MYOM3: variants seen among roughly 807,000 people sequenced by gnomAD.
MYOM3 encodes myomesin 3, also known as myomesin-3.
A neutral mutation model predicts 191.7 loss-of-function variants in MYOM3; 155 were observed. The observed-to-expected ratio is 0.81, with a 90% CI of 0.71 to 0.92. The LOEUF is 0.92. Ranked by LOEUF, MYOM3 falls within the 40% of genes least tolerant of loss-of-function variation. MYOM3 has a pLI of 0.00. For synonymous variants in MYOM3, 757 were observed against 762.9 expected (o/e 0.99, Z 0.13); for missense variants, 1,889 against 1,890.6 (o/e 1.00, Z 0.02).
chr1:24,098,800 G>T (rs919228491), intron 6 of MYOM3, among the ~76,000 whole-genome samples: 2 of 152,164 alleles, frequency 1.3e-5, no homozygotes, highest in African/African-American at 2.4e-5. Context: ...AGGGTAAGAT[G>T]AGTGTTCTGC....
chr1:24,105,513 A>G lies in MYOM3; in HGVS notation c.560+407T>C, dbSNP rs576291226. Among the ~76,000 whole-genome samples, 245 of 152,272 alleles carry G rather than the reference A, an allele frequency of 1.6e-3. 1 individual carries two copies. The highest frequency in any genetic ancestry group is 2.5e-3 in the Non-Finnish European group (171 of 68,024). The stretch of plus-strand genomic sequence containing the variant: ...CCCAGCTTGCAGCACCTGCCTTCTC[A>G]TGAGACCAGAATCATATTTTTATGA... On this transcript the variant is annotated intron_variant, in intron 5 of 36. Coordinates refer to ENST00000374434, the MANE Select transcript of MYOM3 (RefSeq NM_152372.4).
rs1198689963 is a variant in MYOM3 at position 24,064,086 on chromosome 1, T to TC, written c.3607dup (p.Asp1203GlyfsTer5). The TC allele has an allele frequency of 6.2e-7, 1 of 1,613,770 alleles. No homozygotes were observed. Among genetic ancestry groups the TC allele is most frequent in the Admixed American group, 1.7e-5 (1 of 59,996 alleles). Reference sequence around the variant, plus strand: ...CCAGCTCCTACCGTCACCCGTGAGGTCCAATATGGTGTCGTCCTCCCCTCG... The same window carrying TC: ...CCAGCTCCTACCGTCACCCGTGAGGTCCCAATATGGTGTCGTCCTCCCCTCG... On this transcript the variant is annotated frameshift_variant, in exon 30 of 37. Coordinates refer to ENST00000374434, the MANE Select transcript of MYOM3 (RefSeq NM_152372.4). LOFTEE classifies it high-confidence loss of function.
In MYOM3 at chr1:24,076,212, C is replaced by T; in HGVS notation, c.2648G>A (p.Gly883Asp). The T allele has an allele frequency of 6.2e-7, 1 of 1,614,220 alleles. No homozygotes were observed. Among genetic ancestry groups the T allele is most frequent in the Middle Eastern group, 1.7e-4 (1 of 6,060 alleles). The change falls in exon 21 of 37, where the codon GGT (glycine) becomes GAT (aspartate). Residue 883 changes from glycine (G) to aspartate (D), a missense_variant. Physicochemically the swap from Gly to Asp is moderately conservative, Grantham distance 94. Transcript: ENST00000374434. ...AGTGGGCATGGACGGTTGCCCCAGA[C>T]CAGCTGAATTCATGGCCTGTACCTG... ...VFQVQAMNSA[G>D]LGQPSMPTDP...
In MYOM3 at chr1:24,093,009, T is replaced by A; in HGVS notation, c.1028A>T (p.Tyr343Phe). 6.2e-7 allele frequency: 1 copy of A among 1,612,936 alleles called. No homozygotes were observed. The highest frequency in any genetic ancestry group is 8.5e-7 in the Non-Finnish European group (1 of 1,179,760). ...SCTYKEDEGLYMVRVPSPFGP... is the reference protein window; with the variant it reads ...SCTYKEDEGLFMVRVPSPFGP... ...GAAGGGCGAGGGCACCCGGACCATG[T>A]AGAGCCCCTCGTCCTCCTTGTAGGT... Residue 343 changes from tyrosine to phenylalanine, a missense_variant, in exon 10 of 37, where the codon TAC becomes TTC. Transcript: ENST00000374434.
In MYOM3 at chr1:24,062,065, G is replaced by T. The variant is rs1350269355; in HGVS notation, c.3815C>A (p.Thr1272Asn). The T allele has an allele frequency of 1.2e-6, 2 of 1,614,160 alleles. No individual in the cohort carries two copies. The highest frequency in any genetic ancestry group is 1.7e-5 in the Admixed American group (1 of 60,020). ...ESGDRIRTGT[T>N]LDEIWLHILD... Reference sequence around the variant, plus strand: ...GATGTGAAGCCAGATCTCATCCAGGGTGGTGCCCGTCCTTATCCGATCACC... The same window carrying T: ...GATGTGAAGCCAGATCTCATCCAGGTTGGTGCCCGTCCTTATCCGATCACC... The change falls in exon 33 of 37, where the codon ACC (threonine) becomes AAC (asparagine). Residue 1272 changes from threonine to asparagine, a missense_variant. Transcript: ENST00000374434.
At chr1:24,105,416 TG>T in intron 5 of MYOM3, among the ~76,000 whole-genome samples, 1 of 152,232 alleles carries the variant, frequency 6.6e-6, no homozygotes, top group Non-Finnish European at 1.5e-5. Flanking sequence ...ATCTTCTCCC[TG>T]CCCCACCCAC....
Position 24,076,507 on chromosome 1 carries a change from CTTTTTTTTTTT to C in MYOM3, c.2587-245_2587-235del, listed in dbSNP as rs558326490. On this transcript the variant is annotated intron_variant, in intron 20 of 36. Coordinates refer to ENST00000374434, the MANE Select transcript of MYOM3 (RefSeq NM_152372.4). Reference sequence around the variant, plus strand: ...CATCTGTTTTATTTCCCTAATGTTTCTTTTTTTTTTTTTTTTTTTTTTTTGAGACGGAGTCT... The same window carrying C: ...CATCTGTTTTATTTCCCTAATGTTTCTTTTTTTTTTTTTGAGACGGAGTCT... Among the ~76,000 whole-genome samples the C allele has an allele frequency of 4.1e-4, 20 of 49,108 alleles. 2 individuals carry two copies. In the South Asian group the frequency reaches 8.9e-3, roughly 22 times the overall value. The allele number at this position is 49,108 out of a possible 152,430, so 32.2% of individuals were successfully genotyped here. A position where few individuals can be genotyped will look rare whatever the true frequency, so the allele number is the denominator to read the frequency against.
intron 7 of MYOM3, 72 bp from the exon 8 acceptor site, chr1:24,095,558 G>A: frequency 7.2e-7 from 1 of 1,395,364 alleles, no homozygotes; most frequent in Non-Finnish European, 1.0e-6. Context: ...TGGGGACATG[G>A]GCTTTGGATA....
At chr1:24,064,220 C>A in intron 29 of MYOM3, 61 bp from the exon 30 acceptor site, 1 of 1,396,450 alleles carries the variant, frequency 7.2e-7, no homozygotes, top group Non-Finnish European at 1.0e-6. Context: ...AGATGGATAC[C>A]AAATCCGGAG....
At chr1:24,069,027 T>C (rs2148545044) in intron 25 of MYOM3, among the ~76,000 whole-genome samples, 1 of 152,262 alleles carries the variant, frequency 6.6e-6, no homozygotes, top group South Asian at 2.1e-4. Flanking sequence ...CCCAGCAGCT[T>C]ATTTCCTACT....
chr1:24,099,769 T>C lies in MYOM3; in HGVS notation c.567A>G (p.Lys189=). The change falls in exon 6 of 37, where the codon AAA becomes AAG. Residue 189 remains lysine (K), a synonymous_variant. Transcript: ENST00000374434. ...ASPPPQVTWY[K]NDTRIDPRLF... is the part of the protein sequence containing the mutation. ...GGCGGGGATCAATCCGTGTGTCATT[T>C]TTGTACCTGTGGGGACATAGCGGTC... 6.2e-7 allele frequency: 1 copy of C among 1,613,978 alleles called. No homozygotes were observed. The highest frequency in any genetic ancestry group is 8.5e-7 in the Non-Finnish European group (1 of 1,179,866).
chr1:24,071,260 G>A lies in MYOM3; in HGVS notation c.3014-7C>T, dbSNP rs1229145631. 2.5e-6 allele frequency: 4 copies of A among 1,608,756 alleles called. No individual in the cohort carries two copies. The highest frequency in any genetic ancestry group is 3.4e-6 in the Non-Finnish European group (4 of 1,177,456). On this transcript the variant is annotated splice_polypyrimidine_tract_variant and splice_region_variant and intron_variant, in intron 24 of 36. Transcript: ENST00000374434. The stretch of plus-strand genomic sequence containing the variant: ...CCGGAGATCAGTTTGATCACTGGGA[G>A]GCGCAGGACGGGAAGGGGGTGGGTT...
rs931449983 is a variant in MYOM3 at position 24,077,100 on chromosome 1, G to A, written c.2587-827C>T. On this transcript the variant is annotated intron_variant, in intron 20 of 36. Coordinates refer to ENST00000374434, the MANE Select transcript of MYOM3 (RefSeq NM_152372.4). ...GGCCGCCGAAAGTGCTGTGATTACA[G>A]GTGTCAGCCACTGCACCTGGCCTCC... Among the ~76,000 whole-genome samples the A allele has an allele frequency of 1.1e-4, 16 of 152,306 alleles. No homozygotes were observed. In the East Asian group the frequency reaches 2.7e-3, roughly 26 times the overall value.
chr1:24,061,405 G>C (rs1643368499), intron 33 of MYOM3, 96 bp from the exon 34 acceptor site: 2 of 1,221,856 alleles, frequency 1.6e-6, no homozygotes, highest in Admixed American at 3.9e-5. Context: ...ATCCCTGACT[G>C]TCCTCCACTC....
intron 7 of MYOM3, among the ~76,000 whole-genome samples, chr1:24,096,215 CA>C (rs1425159629): frequency 6.6e-6 from 1 of 152,212 alleles, no homozygotes; most frequent in African/African-American, 2.4e-5. Flanking sequence ...CGAGATCACA[CA>C]GGTCAGTGGA....
chr1:24,074,679 A>G (rs538269109), intron 22 of MYOM3, among the ~76,000 whole-genome samples: 1 of 152,340 alleles, frequency 6.6e-6, no homozygotes, highest in East Asian at 1.9e-4. Flanking sequence ...GAGAACTTGC[A>G]AGAGCAAGTC....
rs763814489 is a variant in MYOM3 at position 24,091,716 on chromosome 1, G to A, written c.1232+458C>T. 6.6e-5 allele frequency among the ~76,000 whole-genome samples: 10 copies of A among 152,212 alleles called. 1 individual carries two copies. The highest frequency in any genetic ancestry group is 1.3e-4 in the Non-Finnish European group (9 of 68,042). On this transcript the variant is annotated intron_variant, in intron 11 of 36. Coordinates refer to ENST00000374434, the MANE Select transcript of MYOM3 (RefSeq NM_152372.4). ...CCTTAGCACGGTCATGAGCCTGTCCGTGGCAGCATTAGCTATTTTCTCAAG... is the reference window on the plus strand; with the variant it reads ...CCTTAGCACGGTCATGAGCCTGTCCATGGCAGCATTAGCTATTTTCTCAAG...
chr1:24,090,627 T>G (rs1643806529), intron 12 of MYOM3, among the ~76,000 whole-genome samples, 170 bp downstream of exon 12: 1 of 152,124 alleles, frequency 6.6e-6, no homozygotes, highest in Admixed American at 6.5e-5. Flanking sequence ...CTGGAAGTTC[T>G]CGAGGGCTGG....
At chr1:24,100,001 T>C (rs562428490) in intron 5 of MYOM3, among the ~76,000 whole-genome samples, 6 of 152,246 alleles carry the variant, frequency 3.9e-5, no homozygotes, top group Admixed American at 3.3e-4. Flanking sequence ...CCTGAGTAGC[T>C]GGGATTACAG....
Sources: gnomAD v4.1 joint callset for allele counts (sites outside exome capture counted in the v4.1 genomes callset) on GRCh38, gnomAD v4.1.1 for gene constraint, MANE v1.5 for transcripts, NCBI Gene and HGNC (gene_info 2026-07-23, HGNC 2026-07-21) for gene names.